The following NCS1 variants were observed in gnomAD, a reference collection of about 807,000 sequenced individuals.
NCS1 encodes the protein neuronal calcium sensor 1.
Under a neutral mutation model 28.4 loss-of-function variants are expected in NCS1, and 6 were observed. That is an observed-to-expected ratio of 0.21 (90% CI 0.12 to 0.42). The LOEUF (loss-of-function observed/expected upper bound fraction) is 0.42, where lower values mean the gene tolerates loss of function less well. NCS1 is among the 10% of genes least tolerant of loss of function. The probability of loss-of-function intolerance (pLI) is 1.00; values close to 1 mark genes in which losing one functional copy is unlikely to be tolerated. For missense variants in NCS1, 131 were observed against 241.4 expected, an observed-to-expected ratio of 0.54 and a Z score of 3.03; for synonymous variants, 86 against 99.3, an observed-to-expected ratio of 0.87 and a Z score of 0.79.
At position 130,175,757 on chromosome 9, in the gene NCS1, G is replaced by GT. The variant is rs1832554735; in HGVS notation, c.64+3030_64+3031insT. 6.6e-6 allele frequency among the ~76,000 whole-genome samples: 1 copy of GT among 152,220 alleles called. No individual in the cohort carries two copies. The highest frequency in any genetic ancestry group is 2.1e-4 in the South Asian group (1 of 4,830). ...CACTGGACACACTGGGATTCCACCT[G>GT]GCTCAAACCCTAACCCAGTCCTCAG... On this transcript the variant is annotated intron_variant, in intron 1 of 7. Coordinates refer to ENST00000372398, the MANE Select transcript of NCS1 (RefSeq NM_014286.4). The surrounding 1 kb of genome is among the most constrained non-coding windows in gnomAD (Gnocchi z 4.9).
At chr9:130,185,272 G>A (rs781873649) in intron 1 of NCS1, among the ~76,000 whole-genome samples, 2 of 152,354 alleles carry the variant, frequency 1.3e-5, no homozygotes, top group South Asian at 2.1e-4. Context: ...CGTGGCTGCC[G>A]GAGTAGCCCC....
chr9:130,208,536 A>G (rs1462982005), intron 2 of NCS1, among the ~76,000 whole-genome samples: 1 of 152,090 alleles, frequency 6.6e-6, no homozygotes, highest in Non-Finnish European at 1.5e-5. Flanking sequence ...CGGCCTCCCA[A>G]AGTGCTGGGA....
chr9:130,219,804 G>A lies in NCS1; in HGVS notation c.307+1G>A, dbSNP rs1554909976. 1 of 1,614,200 alleles carries A rather than the reference G, an allele frequency of 6.2e-7. No individual in the cohort carries two copies. Among genetic ancestry groups the A allele is most frequent in the Non-Finnish European group, 8.5e-7 (1 of 1,180,006 alleles). ...GGAACCCTGGATGAGAAGCTACGGT[G>A]TAAGTCCTGCCCCCTTGGCCCTGTG... On this transcript the variant is annotated splice_donor_variant, in intron 4 of 7. Transcript: ENST00000372398. LOFTEE classifies it high-confidence loss of function. The surrounding 1 kb of genome is among the most constrained non-coding windows in gnomAD (Gnocchi z 5.7).
chr9:130,233,294 C>T lies in NCS1; in HGVS notation c.*322C>T, dbSNP rs1421119508. On this transcript the variant is annotated 3_prime_UTR_variant, in exon 8 of 8. Coordinates refer to ENST00000372398, the MANE Select transcript of NCS1 (RefSeq NM_014286.4). This position sits in a 1 kb window ranked among gnomAD's most constrained non-coding sequence, Gnocchi z 4.8. Reference sequence around the variant, plus strand: ...CCTCCGTTCCTCCCGCTCTCTTGCGCGTGTGCTTTTGTTTTTTATTTTGAA... The same window carrying T: ...CCTCCGTTCCTCCCGCTCTCTTGCGTGTGTGCTTTTGTTTTTTATTTTGAA... 10 of 152,164 alleles carry T rather than the reference C, an allele frequency of 6.6e-5. No homozygotes were observed. The highest frequency in any genetic ancestry group is 1.9e-4 in the East Asian group (1 of 5,186). The allele number at this position is 152,164 out of a possible 1,614,324, so 9.4% of individuals were successfully genotyped here.
Position 130,219,587 on chromosome 9 carries a change from G to A in NCS1, c.229-138G>A, listed in dbSNP as rs868988341. 5.4e-5 allele frequency: 34 copies of A among 628,830 alleles called. No homozygotes were observed. The Middle Eastern group carries it at 1.4e-3, about 25-fold the overall frequency. 39.0% of individuals were successfully genotyped at this position (628,830 alleles called of 1,614,324 possible). A position where few individuals can be genotyped will look rare whatever the true frequency, so the allele number is the denominator to read the frequency against. On this transcript the variant is annotated intron_variant, in intron 3 of 7. Coordinates refer to ENST00000372398, the MANE Select transcript of NCS1 (RefSeq NM_014286.4). The surrounding 1 kb of genome is among the most constrained non-coding windows in gnomAD (Gnocchi z 5.7). ...CTTGCCTCTCGCCCCCCATTCCTTC[G>A]AGCCTGCCCTCTCCACCTGAGTGTC...
At chr9:130,214,871 G>T (rs1833161412) in intron 2 of NCS1, among the ~76,000 whole-genome samples, 1 of 152,174 alleles carries the variant, frequency 6.6e-6, no homozygotes, top group South Asian at 2.1e-4. Context: ...GGGGTAACTG[G>T]ATAGGCCCCC....
Position 130,192,750 on chromosome 9 carries a change from G to A in NCS1, c.65-8208G>A, listed in dbSNP as rs1447348714. Among the ~76,000 whole-genome samples, 1 of 152,172 alleles carries A rather than the reference G, an allele frequency of 6.6e-6. No homozygotes were observed. The highest frequency in any genetic ancestry group is 1.5e-5 in the Non-Finnish European group (1 of 68,024). On this transcript the variant is annotated intron_variant, in intron 1 of 7. Transcript: ENST00000372398. The surrounding 1 kb of genome is among the most constrained non-coding windows in gnomAD (Gnocchi z 4.8). Reference sequence around the variant, plus strand: ...GAGCCGGTGCTGCAGTGAGTGGGGGGAGTGATCTGAGGCCTTGTGTGCTTG... The same window carrying A: ...GAGCCGGTGCTGCAGTGAGTGGGGGAAGTGATCTGAGGCCTTGTGTGCTTG...
In NCS1 at chr9:130,219,463, T is replaced by A. The variant is rs1554909899; in HGVS notation, c.229-262T>A. On this transcript the variant is annotated intron_variant, in intron 3 of 7. Coordinates refer to ENST00000372398, the MANE Select transcript of NCS1 (RefSeq NM_014286.4). The surrounding 1 kb of genome is among the most constrained non-coding windows in gnomAD (Gnocchi z 5.7). Reference sequence around the variant, plus strand: ...TCTCCCATCAAGAGTGGAGTAAGCCTCTCCGTTCAGCCTCAGTCCTTCTTC... The same window carrying A: ...TCTCCCATCAAGAGTGGAGTAAGCCACTCCGTTCAGCCTCAGTCCTTCTTC... Among the ~76,000 whole-genome samples the A allele has an allele frequency of 6.6e-6, 1 of 152,092 alleles. No homozygotes were observed. The highest frequency in any genetic ancestry group is 6.6e-5 in the Admixed American group (1 of 15,258).
rs549393440 is a variant in NCS1, at chr9:130,191,292, C to T, written c.65-9666C>T. Reference sequence around the variant, plus strand: ...AGGAGAGCCAGGCCTGGGTGCAGAGCGGTGAAGAGCAGCTCCCGGGAGCTG... The same window carrying T: ...AGGAGAGCCAGGCCTGGGTGCAGAGTGGTGAAGAGCAGCTCCCGGGAGCTG... On this transcript the variant is annotated intron_variant, in intron 1 of 7. Transcript: ENST00000372398. The surrounding 1 kb of genome is among the most constrained non-coding windows in gnomAD (Gnocchi z 6.4). Among the ~76,000 whole-genome samples the T allele has an allele frequency of 7.9e-5, 12 of 152,184 alleles. No individual in the cohort carries two copies. The highest frequency in any genetic ancestry group is 2.4e-4 in the African/African-American group (10 of 41,538).
intron 2 of NCS1, among the ~76,000 whole-genome samples, chr9:130,202,745 A>G (rs1832970570): frequency 6.6e-6 from 1 of 151,640 alleles, no homozygotes; most frequent in Admixed American, 6.6e-5. Flanking sequence ...ATGCCCCACT[A>G]ATTTTTATAT....
intron 2 of NCS1, among the ~76,000 whole-genome samples, chr9:130,205,537 GAA>G (rs1194053393): frequency 2.5e-4 from 29 of 115,162 alleles, no homozygotes; most frequent in African/African-American, 8.3e-4. Flanking sequence ...TCGTCTCTTA[GAA>G]AAAAAAAAAA....
chr9:130,228,943 T>C (rs1262390927), intron 7 of NCS1, among the ~76,000 whole-genome samples: 1 of 152,122 alleles, frequency 6.6e-6, no homozygotes, highest in Non-Finnish European at 1.5e-5. Context: ...GTGCTGGAAC[T>C]GCAGGCGTGA....
intron 1 of NCS1, among the ~76,000 whole-genome samples, chr9:130,185,860 G>T (rs1554905597): frequency 6.6e-6 from 1 of 152,272 alleles, no homozygotes; most frequent in Non-Finnish European, 1.5e-5. Context: ...TTGTCTTCAG[G>T]CTTTCCGTGA....
chr9:130,227,976 GCTGGTGATGAC>G (rs568065230), intron 7 of NCS1, among the ~76,000 whole-genome samples: 147 of 152,270 alleles, frequency 9.7e-4, no homozygotes, highest in Non-Finnish European at 1.4e-3. Context: ...TGAAGGTTTG[GCTGGTGATGAC>G]CTGCTTCCAA....
intron 4 of NCS1, among the ~76,000 whole-genome samples, chr9:130,221,632 C>G (rs4288463): frequency 6.9e-6 from 1 of 144,726 alleles, no homozygotes; most frequent in Non-Finnish European, 1.5e-5. Context: ...GGGTTTCATC[C>G]TGTTGGCCAG....
intron 3 of NCS1, among the ~76,000 whole-genome samples, chr9:130,218,757 A>AT (rs1375323935): frequency 6.6e-6 from 1 of 151,996 alleles, no homozygotes; most frequent in African/African-American, 2.4e-5. Flanking sequence ...CACCTGGCTA[A>AT]TTTTTGTATT....
At chr9:130,218,667 C>G (rs1474761413) in intron 3 of NCS1, among the ~76,000 whole-genome samples, 3 of 151,796 alleles carry the variant, frequency 2.0e-5, no homozygotes, top group African/African-American at 7.3e-5. Flanking sequence ...TCTCAATTCA[C>G]TGCAACCTCT....
rs1833570424 is a variant in NCS1, at chr9:130,235,385, C to CT, written c.*2414dup. 1 of 152,488 alleles carries CT rather than the reference C, an allele frequency of 6.6e-6. No individual in the cohort carries two copies. The allele number at this position is 152,488 out of a possible 1,614,324, so 9.4% of individuals were successfully genotyped here. Reference sequence around the variant, plus strand: ...AGGTCAAATTACTTTCCTTTGGCCTCTGCCTGAGGCTCGATTTGCCTCTCT... The same window carrying CT: ...AGGTCAAATTACTTTCCTTTGGCCTCTTGCCTGAGGCTCGATTTGCCTCTCT... On this transcript the variant is annotated 3_prime_UTR_variant, in exon 8 of 8. Coordinates refer to ENST00000372398, the MANE Select transcript of NCS1 (RefSeq NM_014286.4).
chr9:130,173,150 G>A (rs1832512076), intron 1 of NCS1, among the ~76,000 whole-genome samples: 1 of 151,708 alleles, frequency 6.6e-6, no homozygotes, highest in African/African-American at 2.4e-5. Flanking sequence ...TGCCGCCGCC[G>A]CCGCTGCTGC....
Sources: gnomAD v4.1 joint callset for allele counts (sites outside exome capture counted in the v4.1 genomes callset) on GRCh38, gnomAD v4.1.1 for gene constraint, Gnocchi (gnomAD v3.1) non-coding constraint, MANE v1.5 for transcripts, NCBI Gene and HGNC (gene_info 2026-07-23, HGNC 2026-07-21) for gene names.